CCNB3: variants seen among roughly 807,000 people sequenced by gnomAD.
CCNB3 encodes the protein G2/mitotic-specific cyclin-B3.
In CCNB3, 12 loss-of-function variants were observed where a neutral mutation model predicts 68.0. That is an observed-to-expected ratio of 0.18 (90% CI 0.11 to 0.29). CCNB3 has a LOEUF of 0.29. Ranked by LOEUF, CCNB3 falls within the 10% of genes least tolerant of loss-of-function variation. The pLI, the probability that CCNB3 is intolerant of heterozygous loss-of-function variation, is 1.00. For synonymous variants in CCNB3, 354 were observed against 388.9 expected (o/e 0.91, Z 1.06); for missense variants, 904 against 993.1 (o/e 0.91, Z 1.21).
chrX:50,299,593 A>G (rs892791452), intron 5 of CCNB3, among the ~76,000 whole-genome samples: 1 of 111,368 alleles, frequency 9.0e-6, no homozygotes, highest in Non-Finnish European at 1.9e-5. Flanking sequence ...GTGGTGCTGA[A>G]AAGAATATAT....
intron 8 of CCNB3, among the ~76,000 whole-genome samples, chrX:50,324,679 C>G (rs1557217072): frequency 9.0e-6 from 1 of 111,393 alleles, no homozygotes; most frequent in Non-Finnish European, 1.9e-5. Flanking sequence ...GTTGTTTTCC[C>G]TGGCTGCTTG....
intron 8 of CCNB3, among the ~76,000 whole-genome samples, chrX:50,337,701 T>C (rs1033315170): frequency 3.6e-5 from 4 of 111,512 alleles, no homozygotes; most frequent in African/African-American, 1.3e-4. Context: ...GCTTACTTTG[T>C]GCCTGACCTA....
chrX:50,215,302 A>G (rs908661467), intron 1 of CCNB3, among the ~76,000 whole-genome samples: 3 of 111,307 alleles, frequency 2.7e-5, no homozygotes, highest in Non-Finnish European at 3.8e-5. Flanking sequence ...TTGTTCTGTT[A>G]TTCTTGTCAC....
At chrX:50,314,861 A>T (rs1341885555) in intron 8 of CCNB3, among the ~76,000 whole-genome samples, 1 of 111,570 alleles carries the variant, frequency 9.0e-6, no homozygotes, top group African/African-American at 3.3e-5. Context: ...TCTGCTTAAC[A>T]TTCTCATTAG....
chrX:50,226,842 TATATATATAGA>T (rs1202237188), intron 1 of CCNB3, among the ~76,000 whole-genome samples: 21 of 72,588 alleles, frequency 2.9e-4, no homozygotes, highest in South Asian at 6.0e-4. Flanking sequence ...ATATATATAG[TATATATATAGA>T]ATATATATAG....
At chrX:50,308,079 A>G (rs1371067737) in intron 5 of CCNB3, among the ~76,000 whole-genome samples, 2 of 112,198 alleles carry the variant, frequency 1.8e-5, no homozygotes, top group African/African-American at 3.2e-5. Context: ...TTACCAGCCC[A>G]TCTCTCTCAT....
intron 8 of CCNB3, among the ~76,000 whole-genome samples, chrX:50,329,803 C>T (rs1418739770): frequency 2.7e-5 from 3 of 112,290 alleles, no homozygotes; most frequent in Non-Finnish European, 5.6e-5. Context: ...ATTTTCCAAA[C>T]TTCTGCACTC....
chrX:50,316,742 G>A (rs1278488641), intron 8 of CCNB3, among the ~76,000 whole-genome samples: 1 of 112,046 alleles, frequency 8.9e-6, no homozygotes, highest in Non-Finnish European at 1.9e-5. Context: ...CATTCAGTAT[G>A]ATGCCTTTAA....
At chrX:50,225,395 G>A (rs1935737225) in intron 1 of CCNB3, among the ~76,000 whole-genome samples, 1 of 111,337 alleles carries the variant, frequency 9.0e-6, no homozygotes. Flanking sequence ...TCATGACGTA[G>A]GCAGGACCTT....
chrX:50,279,171 A>G, intron 1 of CCNB3, among the ~76,000 whole-genome samples: 1 of 37 alleles, frequency 0.027, no homozygotes, highest in East Asian at 0.5. Context: ...TTCTATATAT[A>G]TATGAATATA....
At chrX:50,338,152 G>T (rs1922948105) in intron 8 of CCNB3, among the ~76,000 whole-genome samples, 1 of 112,017 alleles carries the variant, frequency 8.9e-6, no homozygotes, top group Non-Finnish European at 1.9e-5. Flanking sequence ...GCTCAAGCTG[G>T]CTGGAGTCCC....
chrX:50,324,364 C>T lies in CCNB3; in HGVS notation c.3516+10416C>T, dbSNP rs371848843. Among the ~76,000 whole-genome samples, 94 of 112,122 alleles carry T rather than the reference C, an allele frequency of 8.4e-4. 3 individuals are homozygous for T. In the South Asian group the frequency reaches 0.034, roughly 41 times the overall value. On this transcript the variant is annotated intron_variant, in intron 8 of 12. Coordinates refer to ENST00000376042, the MANE Select transcript of CCNB3 (RefSeq NM_033031.3). ...GCCTGGCCTTGTAGTTTATATTTTC[C>T]TAAAAATGTATCCATTTCTTGGATA...
chrX:50,224,378 A>G (rs1935721502), intron 1 of CCNB3, among the ~76,000 whole-genome samples: 1 of 111,365 alleles, frequency 9.0e-6, no homozygotes, highest in African/African-American at 3.3e-5. Context: ...AATATTGACA[A>G]ATTGTGGAGT....
chrX:50,337,076 C>G (rs1557218963), intron 8 of CCNB3, among the ~76,000 whole-genome samples: 1 of 111,309 alleles, frequency 9.0e-6, no homozygotes, highest in Admixed American at 9.5e-5. Context: ...ATGTGTCTGT[C>G]CTCATCTACC....
intron 8 of CCNB3, among the ~76,000 whole-genome samples, chrX:50,324,696 A>G (rs1231061917): frequency 8.9e-6 from 1 of 111,931 alleles, no homozygotes; most frequent in East Asian, 2.8e-4. Context: ...CTTGAATTGA[A>G]TGCTTAGTCT....
intron 8 of CCNB3, among the ~76,000 whole-genome samples, chrX:50,338,164 C>T (rs1400512858): frequency 2.7e-5 from 3 of 111,975 alleles, no homozygotes; most frequent in Admixed American, 9.4e-5. Context: ...TGGAGTCCCC[C>T]ACAGGGATGC....
intron 5 of CCNB3, among the ~76,000 whole-genome samples, chrX:50,305,706 C>A (rs1246163530): frequency 9.4e-6 from 1 of 106,857 alleles, no homozygotes; most frequent in Non-Finnish European, 1.9e-5. Flanking sequence ...AGCTGGGATT[C>A]TTGTACAAAT....
intron 5 of CCNB3, among the ~76,000 whole-genome samples, chrX:50,307,030 A>G (rs1921111587): frequency 8.9e-6 from 1 of 111,779 alleles, no homozygotes; most frequent in South Asian, 3.7e-4. Context: ...TTAATGAAGA[A>G]CTGGTATTAA....
intron 8 of CCNB3, among the ~76,000 whole-genome samples, chrX:50,322,654 A>G (rs1221153533): frequency 8.9e-6 from 1 of 111,975 alleles, no homozygotes; most frequent in East Asian, 2.8e-4. Flanking sequence ...AATGGGAGAA[A>G]ATTTTTGCAA....
Sources: gnomAD v4.1 joint callset for allele counts (sites outside exome capture counted in the v4.1 genomes callset) on GRCh38, gnomAD v4.1.1 for gene constraint, MANE v1.5 for transcripts, NCBI Gene and HGNC (gene_info 2026-07-23, HGNC 2026-07-21) for gene names.